RASGRF2: variants seen among roughly 807,000 people sequenced by gnomAD.
The protein encoded by RASGRF2 is Ras protein specific guanine nucleotide releasing factor 2, also known as ras-specific guanine nucleotide-releasing factor 2.
Under a neutral mutation model 151.0 loss-of-function variants are expected in RASGRF2, and 76 were observed. That is an observed-to-expected ratio of 0.50 (90% confidence interval 0.42 to 0.61). RASGRF2 has a LOEUF of 0.61. Ranked by LOEUF, RASGRF2 falls within the 20% of genes least tolerant of loss-of-function variation. The pLI is 0.00. For missense variants in RASGRF2, 1,148 were observed against 1,564.6 expected, an observed-to-expected ratio of 0.73 and a Z score of 4.49; for synonymous variants, 504 against 566.5, an observed-to-expected ratio of 0.89 and a Z score of 1.57.
intron 17 of RASGRF2, among the ~76,000 whole-genome samples, chr5:81,136,895 G>A (rs1387241833): frequency 6.6e-6 from 1 of 151,394 alleles, no homozygotes; most frequent in African/African-American, 2.4e-5. Context: ...TGAGTCTACC[G>A]ATGAATCAGA....
At chr5:81,211,172 CAGGCGTG>C (rs965423877) in intron 22 of RASGRF2, among the ~76,000 whole-genome samples, 1 of 149,912 alleles carries the variant, frequency 6.7e-6, no homozygotes, top group Admixed American at 6.7e-5. Context: ...AGACTCAGTG[CAGGCGTG>C]ACCTCTTCCT....
At position 81,032,938 on chromosome 5, in the gene RASGRF2, C is replaced by A. The variant is rs570417842; in HGVS notation, c.289-9939C>A. Among the ~76,000 whole-genome samples the A allele has an allele frequency of 3.9e-5, 6 of 152,342 alleles. No individual in the cohort carries two copies. In the East Asian group the frequency reaches 9.6e-4, roughly 24 times the overall value. ...AAAATCTCCTTAAGCTGATAAGCAA[C>A]ATCAGCAAAGTCTCAGGATACAAAA... On this transcript the variant is annotated intron_variant, in intron 1 of 26. Transcript: ENST00000265080.
At chr5:81,168,393 C>G (rs1268275875) in intron 17 of RASGRF2, among the ~76,000 whole-genome samples, 2 of 147,344 alleles carry the variant, frequency 1.4e-5, no homozygotes, top group Non-Finnish European at 3.0e-5. Context: ...TCACCACAAC[C>G]TCCGCCTCCT....
chr5:81,135,633 T>C (rs543614865), intron 17 of RASGRF2, among the ~76,000 whole-genome samples: 2 of 152,358 alleles, frequency 1.3e-5, no homozygotes, highest in Admixed American at 1.3e-4. Context: ...TACTGTGGAA[T>C]AGTATTCTAT....
In RASGRF2 at chr5:81,229,055, T is replaced by C. The variant is rs1298328156; in HGVS notation, c.*3285T>C. ...GACGAGACTTTTGGGCCAGCAGCGA[T>C]TGGGCAGCTTTTAAATTCTTAACTG... is the stretch of plus-strand genomic sequence containing the variant. On this transcript the variant is annotated 3_prime_UTR_variant, in exon 27 of 27. Coordinates refer to ENST00000265080, the MANE Select transcript of RASGRF2 (RefSeq NM_006909.3). 2.6e-5 allele frequency: 4 copies of C among 152,132 alleles called. No individual in the cohort carries two copies. Among genetic ancestry groups the C allele is most frequent in the African/African-American group, 9.7e-5 (4 of 41,424 alleles). The allele number at this position is 152,132 out of a possible 1,614,324, so 9.4% of individuals were successfully genotyped here.
At chr5:81,137,968 A>T (rs1236532111) in intron 17 of RASGRF2, among the ~76,000 whole-genome samples, 1 of 152,228 alleles carries the variant, frequency 6.6e-6, no homozygotes, top group Non-Finnish European at 1.5e-5. Flanking sequence ...GATTTATGTT[A>T]TCTGGCTAGA....
intron 1 of RASGRF2, among the ~76,000 whole-genome samples, chr5:81,017,455 T>C (rs2112328733): frequency 6.6e-6 from 1 of 152,318 alleles, no homozygotes; most frequent in East Asian, 1.9e-4. Context: ...TGGCTTCTAG[T>C]GAAGCAAATG....
intron 2 of RASGRF2, among the ~76,000 whole-genome samples, chr5:81,064,901 A>C (rs141987921): frequency 6.2e-4 from 95 of 152,292 alleles, no homozygotes; most frequent in Admixed American, 1.4e-3. Context: ...TACAGTCTTA[A>C]ATCAGTTAAT....
chr5:81,173,647 A>G (rs934901981), intron 17 of RASGRF2, among the ~76,000 whole-genome samples: 7 of 152,228 alleles, frequency 4.6e-5, no homozygotes, highest in African/African-American at 1.7e-4. Flanking sequence ...CAAGTTACTT[A>G]ACCTCATCAT....
chr5:81,004,769 G>T lies in RASGRF2; in HGVS notation c.289-38108G>T, dbSNP rs549954539. On this transcript the variant is annotated intron_variant, in intron 1 of 26. Transcript: ENST00000265080. ...GATAGAGGCAAGAATCCAAACTTAG[G>T]TAACACAACCAAATGCAGTGCAGCA... Among the ~76,000 whole-genome samples, 9 of 152,268 alleles carry T rather than the reference G, an allele frequency of 5.9e-5. No homozygotes were observed. The East Asian group carries it at 1.7e-3, about 29-fold the overall frequency.
chr5:81,034,953 TAAAA>T (rs550924169), intron 1 of RASGRF2, among the ~76,000 whole-genome samples: 1 of 149,978 alleles, frequency 6.7e-6, no homozygotes, highest in Non-Finnish European at 1.5e-5. Flanking sequence ...ATAATAAAAA[TAAAA>T]AAAAAGTCAG....
intron 25 of RASGRF2, 25 bp downstream of exon 25, chr5:81,217,498 T>C: frequency 1.3e-6 from 2 of 1,592,258 alleles, no homozygotes. Context: ...ATAATTAGCC[T>C]GTTTCAATGG....
At chr5:81,105,087 G>A (rs1752808252) in intron 12 of RASGRF2, among the ~76,000 whole-genome samples, 1 of 152,126 alleles carries the variant, frequency 6.6e-6, no homozygotes, top group African/African-American at 2.4e-5. Context: ...CTAAGAGGAG[G>A]GAAGTGGACA....
chr5:81,144,472 G>T (rs941019131), intron 17 of RASGRF2, among the ~76,000 whole-genome samples: 1 of 152,180 alleles, frequency 6.6e-6, no homozygotes, highest in Non-Finnish European at 1.5e-5. Context: ...AAGACATAAG[G>T]CGATAACTTG....
At chr5:80,961,504 G>A (rs908553723) in intron 1 of RASGRF2, among the ~76,000 whole-genome samples, 1 of 152,148 alleles carries the variant, frequency 6.6e-6, no homozygotes, top group South Asian at 2.1e-4. Context: ...GGGAACAAGC[G>A]GGGCTCCCAA....
chr5:81,020,943 T>G (rs1395341329), intron 1 of RASGRF2, among the ~76,000 whole-genome samples: 2 of 152,148 alleles, frequency 1.3e-5, no homozygotes, highest in Non-Finnish European at 2.9e-5. Flanking sequence ...AGTAACTTGC[T>G]CCAGGTCTCA....
intron 18 of RASGRF2, 104 bp downstream of exon 18, chr5:81,180,385 T>A: frequency 1.4e-6 from 1 of 711,518 alleles, no homozygotes. Context: ...GAGTTCAATG[T>A]GAAACCTTGA....
intron 18 of RASGRF2, among the ~76,000 whole-genome samples, chr5:81,190,508 T>C (rs1755133407): frequency 6.6e-6 from 1 of 152,354 alleles, no homozygotes; most frequent in Non-Finnish European, 1.5e-5. Context: ...GAAGTTATAA[T>C]GCACAAATGA....
intron 15 of RASGRF2, among the ~76,000 whole-genome samples, chr5:81,115,703 C>T (rs1753132470): frequency 6.6e-6 from 1 of 152,152 alleles, no homozygotes; most frequent in Non-Finnish European, 1.5e-5. Flanking sequence ...TTTGATTGCT[C>T]ATGGGGCTGG....
Sources: allele counts gnomAD v4.1 joint callset (sites outside exome capture counted in the v4.1 genomes callset), GRCh38; gene constraint gnomAD v4.1.1; transcripts MANE v1.5; gene names NCBI Gene and HGNC (gene_info 2026-07-23, HGNC 2026-07-21).